Variants in EHBP1 observed in about 807,000 individuals in gnomAD.
EHBP1 encodes EH domain binding protein 1.
A neutral mutation model predicts 144.0 loss-of-function variants in EHBP1; 55 were observed. That is an observed-to-expected ratio of 0.38 (90% CI 0.31 to 0.48). EHBP1 has a LOEUF of 0.48. Ranked by LOEUF, EHBP1 falls within the 20% of genes least tolerant of loss-of-function variation. EHBP1 has a pLI of 0.98. For synonymous variants in EHBP1, 469 were observed against 472.7 expected, an observed-to-expected ratio of 0.99 and a Z score of 0.10; for missense variants, 1,200 against 1,364.2, an observed-to-expected ratio of 0.88 and a Z score of 1.90.
rs916616364 is a variant in EHBP1 at position 62,874,503 on chromosome 2, G to T, written c.1156G>T (p.Ala386Ser). 4 of 1,605,380 alleles carry T rather than the reference G, an allele frequency of 2.5e-6. No homozygotes were observed. Among genetic ancestry groups the T allele is most frequent in the Non-Finnish European group, 8.5e-7 (1 of 1,176,478 alleles). Residue 386 changes from alanine (A) to serine (S), a missense_variant, in exon 10 of 23, where the codon GCA becomes TCA. Ala to Ser is a moderately conservative substitution (Grantham distance 99). Transcript: ENST00000431489. ...AGTATTAAATGAAAACACAGTTTCT[G>T]CAGGAAAAGATCTCTCTACTTCTCC... ...TGVLNENTVS[A>S]GKDLSTSPKP...
At chr2:63,024,526 C>G (rs1303752946) in intron 19 of EHBP1, among the ~76,000 whole-genome samples, 1 of 147,870 alleles carries the variant, frequency 6.8e-6, no homozygotes, top group Non-Finnish European at 1.5e-5. Context: ...TGCCTGAACC[C>G]AGGAGGTCAA....
chr2:62,754,433 G>A (rs1451700873), intron 3 of EHBP1, among the ~76,000 whole-genome samples: 1 of 152,176 alleles, frequency 6.6e-6, no homozygotes, highest in Non-Finnish European at 1.5e-5. Flanking sequence ...AGGCTACTCG[G>A]GGTTTAGGGA....
intron 5 of EHBP1, among the ~76,000 whole-genome samples, chr2:62,797,631 C>T (rs1395784539): frequency 6.6e-6 from 1 of 152,130 alleles, no homozygotes; most frequent in Non-Finnish European, 1.5e-5. Context: ...CAAACTTTTG[C>T]CTGTTAATTG....
intron 13 of EHBP1, among the ~76,000 whole-genome samples, chr2:62,953,632 A>G (rs865833838): frequency 2.6e-4 from 39 of 152,038 alleles, no homozygotes; most frequent in Admixed American, 3.3e-4. Context: ...TCAAAATAGA[A>G]TAAGTGAAAA....
At chr2:62,902,320 G>T (rs1387169502) in intron 10 of EHBP1, among the ~76,000 whole-genome samples, 2 of 152,088 alleles carry the variant, frequency 1.3e-5, no homozygotes, top group African/African-American at 4.8e-5. Flanking sequence ...CCTAAGGGGA[G>T]TGTCTATGAG....
chr2:62,803,594 G>A (rs1182142457), intron 5 of EHBP1, among the ~76,000 whole-genome samples: 2 of 152,126 alleles, frequency 1.3e-5, no homozygotes, highest in Non-Finnish European at 2.9e-5. Context: ...AGCCATGCAT[G>A]TTTTTCTGTG....
intron 10 of EHBP1, among the ~76,000 whole-genome samples, chr2:62,887,573 C>CA (rs1374767886): frequency 0.066 from 3,506 of 53,040 alleles, 67 homozygotes; most frequent in Middle Eastern, 0.1. Flanking sequence ...TAGGTCTCCA[C>CA]AAAAAAAAAA....
chr2:62,722,687 C>T (rs908990429), intron 2 of EHBP1, among the ~76,000 whole-genome samples: 3 of 152,136 alleles, frequency 2.0e-5, no homozygotes, highest in Admixed American at 6.5e-5. Context: ...TGTTTTGACA[C>T]TTGACACTTC....
At position 62,733,269 on chromosome 2, in the gene EHBP1, G is replaced by A. The variant is rs577507971; in HGVS notation, c.105-14126G>A. ...AGTTGGGCTCTGTTTACTGTTTACC[G>A]CAGCTATAGCTATAGGTGTCAGAGG... On this transcript the variant is annotated intron_variant, in intron 2 of 22. Transcript: ENST00000431489. Among the ~76,000 whole-genome samples, 12 of 152,270 alleles carry A rather than the reference G, an allele frequency of 7.9e-5. No individual in the cohort carries two copies. The South Asian group carries it at 8.3e-4, about 11-fold the overall frequency.
intron 15 of EHBP1, among the ~76,000 whole-genome samples, chr2:62,990,439 T>C (rs554608509): frequency 6.6e-6 from 1 of 152,290 alleles, no homozygotes; most frequent in South Asian, 2.1e-4. Context: ...AATGTATACA[T>C]CACATACAGG....
chr2:62,720,020 A>T (rs555677965), intron 2 of EHBP1, among the ~76,000 whole-genome samples: 1 of 152,334 alleles, frequency 6.6e-6, no homozygotes, highest in Non-Finnish European at 1.5e-5. Context: ...ACATCACATG[A>T]AAATCTGTGT....
At chr2:62,967,472 ATAGATCCT>A (rs1350586261) in intron 14 of EHBP1, among the ~76,000 whole-genome samples, 1 of 149,144 alleles carries the variant, frequency 6.7e-6, no homozygotes. Context: ...AAGGCTAGGT[ATAGATCCT>A]AGACGATTGG....
In EHBP1 at chr2:62,743,474, C is replaced by T. The variant is rs1039318995; in HGVS notation, c.105-3921C>T. Among the ~76,000 whole-genome samples the T allele has an allele frequency of 1.1e-4, 17 of 152,176 alleles. No homozygotes were observed. The East Asian group carries it at 3.3e-3, about 29-fold the overall frequency. ...TGTCTCCCCACTAGATTGTGAACTT[C>T]CAGTGGATCTTTCTTTCATCCTTGT... On this transcript the variant is annotated intron_variant, in intron 2 of 22. Transcript: ENST00000431489.
chr2:62,908,212 C>G (rs1441273210), intron 10 of EHBP1, among the ~76,000 whole-genome samples: 1 of 152,166 alleles, frequency 6.6e-6, no homozygotes, highest in Non-Finnish European at 1.5e-5. Context: ...TCCATTTCAT[C>G]TTAGCTGTCA....
chr2:62,852,054 C>T (rs955351018), intron 7 of EHBP1, among the ~76,000 whole-genome samples: 1 of 152,058 alleles, frequency 6.6e-6, no homozygotes, highest in Non-Finnish European at 1.5e-5. Context: ...ACCTAAAATT[C>T]TGTGGAACAA....
At chr2:62,926,690 A>AG (rs1287399206) in intron 10 of EHBP1, among the ~76,000 whole-genome samples, 1 of 152,122 alleles carries the variant, frequency 6.6e-6, no homozygotes, top group East Asian at 1.9e-4. Flanking sequence ...CAACAAAAAA[A>AG]CAAATGCTGG....
chr2:62,982,987 T>C (rs969334055), intron 15 of EHBP1, among the ~76,000 whole-genome samples: 6 of 152,204 alleles, frequency 3.9e-5, no homozygotes, highest in Non-Finnish European at 2.9e-5. Context: ...GCCTAATTCT[T>C]GTGTAAATAA....
chr2:62,842,455 G>A (rs907676749), intron 7 of EHBP1, among the ~76,000 whole-genome samples: 5 of 152,094 alleles, frequency 3.3e-5, no homozygotes, highest in Admixed American at 6.6e-5. Context: ...TGATCTCTCC[G>A]TAAGCTCCAC....
chr2:62,959,273 C>T (rs2057878690), intron 14 of EHBP1, among the ~76,000 whole-genome samples: 1 of 152,170 alleles, frequency 6.6e-6, no homozygotes, highest in African/African-American at 2.4e-5. Flanking sequence ...ATCCGTTCAT[C>T]TGTCAATAGA....
Sources: allele counts gnomAD v4.1 joint callset (sites outside exome capture counted in the v4.1 genomes callset), GRCh38; gene constraint gnomAD v4.1.1; transcripts MANE v1.5; gene names NCBI Gene and HGNC (gene_info 2026-07-23, HGNC 2026-07-21).